MACROD2: variants seen among roughly 807,000 people sequenced by gnomAD.
The protein encoded by MACROD2 is mono-ADP ribosylhydrolase 2, also known as ADP-ribose glycohydrolase MACROD2.
A neutral mutation model predicts 70.4 loss-of-function variants in MACROD2; 36 were observed. The observed-to-expected ratio is 0.51, with a 90% CI of 0.39 to 0.68. MACROD2 has a LOEUF of 0.68. Among genes scored for constraint, MACROD2 ranks in the 30% least tolerant of loss-of-function variants. The pLI, the probability that MACROD2 is intolerant of heterozygous loss-of-function variation, is 0.00. For missense variants in MACROD2, 496 were observed against 538.4 expected, an observed-to-expected ratio of 0.92 and a Z score of 0.78; for synonymous variants, 172 against 178.8, an observed-to-expected ratio of 0.96 and a Z score of 0.30.
chr20:15,052,780 C>T (rs539627914), intron 5 of MACROD2, among the ~76,000 whole-genome samples: 7 of 152,172 alleles, frequency 4.6e-5, no homozygotes, highest in Non-Finnish European at 7.3e-5. Flanking sequence ...AGAAATGATT[C>T]GGCTTAGTGC....
chr20:16,035,139 T>TAATATAAA (rs2067212382), intron 15 of MACROD2, among the ~76,000 whole-genome samples: 1 of 99,044 alleles, frequency 1.0e-5, no homozygotes, highest in Non-Finnish European at 2.0e-5. Flanking sequence ...TTATATATTA[T>TAATATAAA]ATATTATATA....
chr20:14,937,427 T>C (rs755302939), intron 5 of MACROD2, among the ~76,000 whole-genome samples: 35 of 152,138 alleles, frequency 2.3e-4, no homozygotes, highest in Admixed American at 2.1e-3. Context: ...AAAAATATTC[T>C]TGTGAATAAT....
At chr20:16,033,155 A>G (rs966916465) in intron 15 of MACROD2, among the ~76,000 whole-genome samples, 2 of 152,112 alleles carry the variant, frequency 1.3e-5, no homozygotes, top group African/African-American at 4.8e-5. Context: ...GACTGGACCA[A>G]TTTACCTATA....
intron 15 of MACROD2, among the ~76,000 whole-genome samples, chr20:15,991,266 C>T (rs1260346163): frequency 6.6e-6 from 1 of 152,206 alleles, no homozygotes; most frequent in African/African-American, 2.4e-5. Flanking sequence ...GCTACGATTT[C>T]ATCTTTTAGT....
At chr20:15,525,041 C>T (rs1306329154) in intron 8 of MACROD2, among the ~76,000 whole-genome samples, 5 of 152,162 alleles carry the variant, frequency 3.3e-5, no homozygotes, top group Non-Finnish European at 7.4e-5. Flanking sequence ...GCGATTGCCC[C>T]ACTGGCTTAA....
intron 12 of MACROD2, among the ~76,000 whole-genome samples, chr20:15,952,649 T>C (rs1437312968): frequency 2.6e-5 from 4 of 152,152 alleles, no homozygotes; most frequent in African/African-American, 9.7e-5. Context: ...TTGTCCATGG[T>C]CAAAGCCCCT....
intron 7 of MACROD2, among the ~76,000 whole-genome samples, chr20:15,465,062 T>G (rs1016548427): frequency 6.6e-6 from 1 of 152,080 alleles, no homozygotes; most frequent in Non-Finnish European, 1.5e-5. Flanking sequence ...ATATACTCTC[T>G]CCCTATTTTT....
chr20:14,777,314 G>T (rs777931637), intron 5 of MACROD2, among the ~76,000 whole-genome samples: 5 of 151,860 alleles, frequency 3.3e-5, no homozygotes, highest in African/African-American at 4.8e-5. Flanking sequence ...CCTGCATCAC[G>T]GTTATTTTTA....
chr20:15,862,554 A>ACACACG (rs1479950479), intron 8 of MACROD2, among the ~76,000 whole-genome samples, 191 bp from the exon 9 acceptor site: 2 of 152,056 alleles, frequency 1.3e-5, no homozygotes, highest in Non-Finnish European at 2.9e-5. Context: ...TACAGAGTAC[A>ACACACG]CACACGCACA....
At chr20:14,703,421 T>A (rs1014956070) in intron 5 of MACROD2, among the ~76,000 whole-genome samples, 4 of 152,170 alleles carry the variant, frequency 2.6e-5, no homozygotes, top group Admixed American at 6.5e-5. Context: ...ATAGCCCAAG[T>A]CCATACTTCA....
chr20:15,493,299 G>A (rs1160004444), intron 7 of MACROD2, among the ~76,000 whole-genome samples: 1 of 152,076 alleles, frequency 6.6e-6, no homozygotes, highest in Non-Finnish European at 1.5e-5. Context: ...TGGGGTTAAG[G>A]TTTTAAAGCC....
At chr20:15,779,766 G>A (rs948316654) in intron 8 of MACROD2, among the ~76,000 whole-genome samples, 1 of 152,106 alleles carries the variant, frequency 6.6e-6, no homozygotes, top group African/African-American at 2.4e-5. Context: ...ATATAGATTT[G>A]TATAACTTCC....
At chr20:15,485,612 G>A (rs1443968244) in intron 7 of MACROD2, among the ~76,000 whole-genome samples, 1 of 152,116 alleles carries the variant, frequency 6.6e-6, no homozygotes, top group East Asian at 1.9e-4. Context: ...AATGATGCCT[G>A]CTGTGGGAAA....
At chr20:15,906,990 T>C (rs371131464) in intron 10 of MACROD2, among the ~76,000 whole-genome samples, 25 of 152,352 alleles carry the variant, frequency 1.6e-4, no homozygotes, top group African/African-American at 6.0e-4. Flanking sequence ...GTACCCCTTG[T>C]GGGAAGGCAC....
chr20:14,884,914 A>G (rs1199121469), intron 5 of MACROD2, among the ~76,000 whole-genome samples: 1 of 152,134 alleles, frequency 6.6e-6, no homozygotes, highest in Non-Finnish European at 1.5e-5. Context: ...TCAAGAGCCC[A>G]TCTAATTGCC....
chr20:14,636,230 TTCGGAAGTTCCTA>T (rs373743611), intron 4 of MACROD2, among the ~76,000 whole-genome samples: 47 of 152,198 alleles, frequency 3.1e-4, no homozygotes, highest in African/African-American at 1.1e-3. Context: ...TAGAATTTGT[TTCGGAAGTTCCTA>T]TCCTCCATAT....
chr20:14,111,530 C>T (rs2054451305), intron 3 of MACROD2, among the ~76,000 whole-genome samples: 1 of 151,670 alleles, frequency 6.6e-6, no homozygotes, highest in African/African-American at 2.4e-5. Context: ...TATAATAATC[C>T]CATTAAAAAT....
intron 2 of MACROD2, among the ~76,000 whole-genome samples, chr20:14,052,638 G>A (rs2053582637): frequency 6.6e-6 from 1 of 152,012 alleles, no homozygotes; most frequent in South Asian, 2.1e-4. Flanking sequence ...AGTGCCAAGA[G>A]CTCAGAGAAT....
chr20:15,194,245 CAAAAAAAAAAAAAA>C, intron 5 of MACROD2, among the ~76,000 whole-genome samples: 1 of 49,846 alleles, frequency 2.0e-5, no homozygotes, highest in East Asian at 6.6e-4. Context: ...CACTCTGTCT[CAAAAAAAAAAAAAA>C]AAAAAAAAAA....
Sources: gnomAD v4.1 joint callset for allele counts (sites outside exome capture counted in the v4.1 genomes callset) on GRCh38, gnomAD v4.1.1 for gene constraint, MANE v1.5 for transcripts, NCBI Gene and HGNC (gene_info 2026-07-23, HGNC 2026-07-21) for gene names.